Variants in CIMIP6 observed in about 807,000 individuals in gnomAD.
CIMIP6 encodes the protein uncharacterized protein C2orf73.
chr2:54,344,089 T>C, the CIMIP6 span, among the ~76,000 whole-genome samples: 1 of 152,202 alleles, frequency 6.6e-6, no homozygotes, highest in Non-Finnish European at 1.5e-5. Flanking sequence ...ATGAAAATTG[T>C]ATTGATCATT....
chr2:54,351,657 A>G, the CIMIP6 span, among the ~76,000 whole-genome samples: 1 of 152,196 alleles, frequency 6.6e-6, no homozygotes, highest in African/African-American at 2.4e-5. Flanking sequence ...CAGGAAAAAT[A>G]ACTAATGGGT....
chr2:54,360,597 A>T, the CIMIP6 span: 60 of 1,443,218 alleles, frequency 4.2e-5, no homozygotes, highest in Non-Finnish European at 5.5e-5. Context: ...AATCCCTGGA[A>T]TATAGGGAAA....
At chr2:54,379,303 C>T in the CIMIP6 span, among the ~76,000 whole-genome samples, 40 of 152,300 alleles carry the variant, frequency 2.6e-4, no homozygotes, top group Middle Eastern at 3.4e-3. Flanking sequence ...CAAAAAAGGA[C>T]GTCTGGGAAG....
the CIMIP6 span, among the ~76,000 whole-genome samples, chr2:54,331,279 A>G: frequency 1.3e-5 from 2 of 152,232 alleles, no homozygotes; most frequent in Admixed American, 6.5e-5. Context: ...TGTAGTCTTT[A>G]CCTTTAAAAT....
chr2:54,349,849 CT>C, the CIMIP6 span, among the ~76,000 whole-genome samples: 20,491 of 137,598 alleles, frequency 0.15, 1,170 homozygotes, highest in Non-Finnish European at 0.2. Context: ...AAAAAGAAAT[CT>C]TTTTTTTTTT....
the CIMIP6 span, among the ~76,000 whole-genome samples, chr2:54,358,389 G>A: frequency 6.6e-6 from 1 of 151,904 alleles, no homozygotes; most frequent in Admixed American, 6.6e-5. Flanking sequence ...TGTGTAAAAA[G>A]CATATCTAAC....
the CIMIP6 span, among the ~76,000 whole-genome samples, chr2:54,356,015 G>A: frequency 6.6e-6 from 1 of 152,066 alleles, no homozygotes; most frequent in African/African-American, 2.4e-5. Context: ...CTAAATTTGA[G>A]GAAAGAAAAT....
chr2:54,345,495 G>C, the CIMIP6 span, among the ~76,000 whole-genome samples: 1 of 152,260 alleles, frequency 6.6e-6, no homozygotes, highest in African/African-American at 2.4e-5. Context: ...GAGAAGGAAG[G>C]TCAAACTGTT....
At chr2:54,347,289 T>A in the CIMIP6 span, among the ~76,000 whole-genome samples, 1 of 152,170 alleles carries the variant, frequency 6.6e-6, no homozygotes, top group African/African-American at 2.4e-5. Context: ...TTGCTTGAAA[T>A]TTGTCTTTAC....
At chr2:54,379,148 A>G in the CIMIP6 span, among the ~76,000 whole-genome samples, 1 of 152,192 alleles carries the variant, frequency 6.6e-6, no homozygotes, top group South Asian at 2.1e-4. Context: ...GGCTTCATAC[A>G]AGGAAATTAC....
chr2:54,374,096 A>G, the CIMIP6 span, among the ~76,000 whole-genome samples: 4 of 152,214 alleles, frequency 2.6e-5, no homozygotes, highest in Non-Finnish European at 5.9e-5. Context: ...TGAGGTCAGC[A>G]GTGCCGTTTC....
chr2:54,356,399 G>A, the CIMIP6 span, among the ~76,000 whole-genome samples: 5 of 152,168 alleles, frequency 3.3e-5, no homozygotes, highest in Non-Finnish European at 5.9e-5. Flanking sequence ...GGCAATGTGA[G>A]GGAAAGTCAA....
At chr2:54,346,876 A>T in the CIMIP6 span, among the ~76,000 whole-genome samples, 1 of 152,210 alleles carries the variant, frequency 6.6e-6, no homozygotes, top group Non-Finnish European at 1.5e-5. Flanking sequence ...CTCAACGTTC[A>T]TAGAATAAAT....
At chr2:54,359,337 C>T in the CIMIP6 span, among the ~76,000 whole-genome samples, 2 of 151,912 alleles carry the variant, frequency 1.3e-5, no homozygotes, top group African/African-American at 2.4e-5. Context: ...TGCAGTGAGC[C>T]GTAATTGCAC....
chr2:54,381,335 G>C, the CIMIP6 span, among the ~76,000 whole-genome samples: 14 of 152,328 alleles, frequency 9.2e-5, no homozygotes, highest in Non-Finnish European at 1.3e-4. Flanking sequence ...TGAGCGAGTT[G>C]TTACAACTCT....
the CIMIP6 span, among the ~76,000 whole-genome samples, chr2:54,351,858 A>C: frequency 5.2e-4 from 79 of 152,320 alleles, no homozygotes; most frequent in Non-Finnish European, 9.0e-4. Flanking sequence ...TTTGACAATC[A>C]AAACATTTCC....
the CIMIP6 span, among the ~76,000 whole-genome samples, chr2:54,333,226 G>A: frequency 6.6e-6 from 1 of 152,130 alleles, no homozygotes; most frequent in Non-Finnish European, 1.5e-5. Flanking sequence ...AAAAAACTAG[G>A]TACATAAAAA....
the CIMIP6 span, chr2:54,334,983 C>A: frequency 2.5e-6 from 4 of 1,605,526 alleles, no homozygotes; most frequent in Non-Finnish European, 3.4e-6. Context: ...ATACAATGAA[C>A]CATTTCCCTA....
the CIMIP6 span, among the ~76,000 whole-genome samples, chr2:54,333,735 A>G: frequency 2.6e-5 from 4 of 152,196 alleles, no homozygotes; most frequent in South Asian, 8.3e-4. Context: ...CTAAAAAAAA[A>G]TACAAAAATT....
Sources: gnomAD v4.1 joint callset for allele counts (sites outside exome capture counted in the v4.1 genomes callset) on GRCh38, gnomAD v4.1.1 for gene constraint, MANE v1.5 for transcripts, NCBI Gene and HGNC (gene_info 2026-07-23, HGNC 2026-07-21) for gene names.